The following PRDM10 variants were observed in gnomAD, a reference collection of about 807,000 sequenced individuals.
PRDM10 encodes PR/SET domain 10, also known as PR domain zinc finger protein 10.
PRDM10 carries 65 observed loss-of-function variants against 133.1 expected under a neutral mutation model. The ratio of observed to expected loss-of-function variants is 0.49; its 90% CI spans 0.40 to 0.60. The LOEUF (loss-of-function observed/expected upper bound fraction) is 0.60, where lower values mean the gene tolerates loss of function less well. Ranked by LOEUF, PRDM10 falls within the 20% of genes least tolerant of loss-of-function variation. The pLI is 0.00. For missense variants in PRDM10, 1,137 were observed against 1,507.1 expected, an observed-to-expected ratio of 0.75 and a Z score of 4.07; for synonymous variants, 582 against 580.4, an observed-to-expected ratio of 1.00 and a Z score of -0.04.
chr11:129,948,914 C>G (rs1951505384), intron 4 of PRDM10, among the ~76,000 whole-genome samples: 1 of 152,176 alleles, frequency 6.6e-6, no homozygotes, highest in African/African-American at 2.4e-5. Flanking sequence ...GTCCTCTTTT[C>G]CCCTCATAGA....
At chr11:129,988,203 TAGG>T (rs1363407618) in intron 1 of PRDM10, among the ~76,000 whole-genome samples, 3 of 152,048 alleles carry the variant, frequency 2.0e-5, no homozygotes, top group Non-Finnish European at 2.9e-5. Flanking sequence ...GCCTAGGGAT[TAGG>T]AGGAGATAGA....
Position 129,923,530 on chromosome 11 carries a change from T to C in PRDM10, c.1879-127A>G, listed in dbSNP as rs1356668041. On this transcript the variant is annotated intron_variant, in intron 12 of 20. Transcript: ENST00000360871. This position sits in a 1 kb window ranked among gnomAD's most constrained non-coding sequence, Gnocchi z 4.4. ...GGTTTTCATCAACCCCGCCGAGGAA[T>C]CCAATCAGATGTGATAATTGGCCTC... The C allele has an allele frequency of 3.0e-6, 3 of 994,942 alleles. No homozygotes were observed. The East Asian group carries it at 8.3e-5, about 27-fold the overall frequency. 61.6% of individuals were successfully genotyped at this position (994,942 alleles called of 1,614,324 possible).
Position 129,902,105 on chromosome 11 carries a change from C to G in PRDM10, c.*208G>C, listed in dbSNP as rs1365166986. 1.6e-6 allele frequency: 1 copy of G among 635,996 alleles called. No individual in the cohort carries two copies. The highest frequency in any genetic ancestry group is 3.0e-5 in the East Asian group (1 of 33,674). The allele number at this position is 635,996 out of a possible 1,614,324, so 39.4% of individuals were successfully genotyped here. Reference sequence around the variant, plus strand: ...TACTTTCCCCTGAAAGATCTCTGTTCTGTGGCAAAAACCGAGGGTTTGAAG... The same window carrying G: ...TACTTTCCCCTGAAAGATCTCTGTTGTGTGGCAAAAACCGAGGGTTTGAAG... On this transcript the variant is annotated 3_prime_UTR_variant, in exon 21 of 21. Coordinates refer to ENST00000360871, the MANE Select transcript of PRDM10 (RefSeq NM_199437.2).
At chr11:129,929,756 CAAAA>C (rs67664190) in intron 11 of PRDM10, among the ~76,000 whole-genome samples, 1 of 90,142 alleles carries the variant, frequency 1.1e-5, no homozygotes, top group African/African-American at 3.8e-5. Flanking sequence ...TTTTTCCTTC[CAAAA>C]AAAAAAAAAA....
chr11:129,997,329 A>G (rs1412575664), intron 1 of PRDM10, among the ~76,000 whole-genome samples: 1 of 152,022 alleles, frequency 6.6e-6, no homozygotes, highest in Non-Finnish European at 1.5e-5. Context: ...AAAATACAAA[A>G]ATTAGCCAGG....
rs1951353205 is a variant in PRDM10 at position 129,944,856 on chromosome 11, C to T, written c.677G>A (p.Arg226His). ...RFLGGVFSKR[R>H]IPKRTQFGPV... ...GCCAAACTGGGTGCGCTTGGGGATG[C>T]GCCGCTTGGAGAACACCCCGCCCAG... Residue 226 changes from arginine to histidine, a missense_variant, in exon 6 of 21, where the codon CGC (arginine) becomes CAC (histidine). This residue lies in a region of PRDM10 where 635 missense variants were observed against 835.2 expected (regional missense o/e 0.76). Coordinates refer to ENST00000360871, the MANE Select transcript of PRDM10 (RefSeq NM_199437.2). 7 of 1,614,136 alleles carry T rather than the reference C, an allele frequency of 4.3e-6. No individual in the cohort carries two copies. Among genetic ancestry groups the T allele is most frequent in the Non-Finnish European group, 5.9e-6 (7 of 1,180,010 alleles).
intron 1 of PRDM10, among the ~76,000 whole-genome samples, chr11:129,965,835 A>G (rs1217099384): frequency 1.3e-5 from 2 of 152,100 alleles, no homozygotes; most frequent in South Asian, 2.1e-4. Flanking sequence ...TACAGTATCT[A>G]AAGTGTGAAC....
intron 19 of PRDM10, among the ~76,000 whole-genome samples, chr11:129,908,345 A>C (rs181636128): frequency 5.8e-4 from 88 of 152,266 alleles, no homozygotes; most frequent in African/African-American, 2.1e-3. Flanking sequence ...GTGGTGGCTC[A>C]CATCTGTAAA....
chr11:129,999,961 A>AC (rs1939255118), intron 1 of PRDM10, among the ~76,000 whole-genome samples: 1 of 152,258 alleles, frequency 6.6e-6, no homozygotes, highest in Admixed American at 6.5e-5. Context: ...CACACACAAA[A>AC]CCAACTTGAA....
At chr11:129,931,539 T>TTTTA (rs968285575) in intron 10 of PRDM10, among the ~76,000 whole-genome samples, 4 of 151,590 alleles carry the variant, frequency 2.6e-5, no homozygotes, top group South Asian at 2.1e-4. Flanking sequence ...CTCTGGTCAA[T>TTTTA]TTTATTTATT....
intron 7 of PRDM10, 113 bp downstream of exon 7, chr11:129,942,312 AC>A (rs914777751): frequency 8.0e-6 from 8 of 999,154 alleles, no homozygotes; most frequent in East Asian, 5.0e-5. Flanking sequence ...CCAGAAAATG[AC>A]CCCCCTCCCC....
chr11:129,970,022 T>C (rs1951984722), intron 1 of PRDM10, among the ~76,000 whole-genome samples: 1 of 152,134 alleles, frequency 6.6e-6, no homozygotes, highest in African/African-American at 2.4e-5. Context: ...GAAATCAAAT[T>C]CTATGGCATA....
At chr11:129,938,719 A>G (rs553637572) in intron 7 of PRDM10, among the ~76,000 whole-genome samples, 1 of 152,340 alleles carries the variant, frequency 6.6e-6, no homozygotes, top group African/African-American at 2.4e-5. Context: ...TACAACTAAC[A>G]TGTATCAATA....
At chr11:129,992,532 G>GGTTTCCA (rs1410456840) in intron 1 of PRDM10, among the ~76,000 whole-genome samples, 1 of 152,222 alleles carries the variant, frequency 6.6e-6, no homozygotes, top group African/African-American at 2.4e-5. Context: ...ACCCGAGCAT[G>GGTTTCCA]GTTTCCACCT....
rs1414355277 is a variant in PRDM10 at position 129,923,411 on chromosome 11, T to G, written c.1879-8A>C. ...GCGCACGTGTTTTTTCACCTGGTGA[T>G]AAGAACCACAGGAAAATTCAGGGGA... On this transcript the variant is annotated splice_region_variant and splice_polypyrimidine_tract_variant and intron_variant, in intron 12 of 20. Transcript: ENST00000360871. The surrounding 1 kb of genome is among the most constrained non-coding windows in gnomAD (Gnocchi z 4.4). 2 of 1,601,644 alleles carry G rather than the reference T, an allele frequency of 1.2e-6. No homozygotes were observed. Among genetic ancestry groups the G allele is most frequent in the East Asian group, 4.5e-5 (2 of 44,236 alleles).
chr11:129,944,370 A>G lies in PRDM10; in HGVS notation c.762+401T>C, dbSNP rs374078209. Among the ~76,000 whole-genome samples the G allele has an allele frequency of 3.2e-3, 482 of 151,928 alleles. 2 individuals carry two copies. The highest frequency in any genetic ancestry group is 0.014 in the Middle Eastern group (4 of 292). On this transcript the variant is annotated intron_variant, in intron 6 of 20. Transcript: ENST00000360871. ...AGCACTTTGGGAGGCCAAGGCGGGC[A>G]GATCACGAGGTCAGGAGATCGAGAC...
intron 4 of PRDM10, among the ~76,000 whole-genome samples, chr11:129,953,271 C>A (rs1951624665): frequency 6.6e-6 from 1 of 151,900 alleles, no homozygotes; most frequent in South Asian, 2.1e-4. Flanking sequence ...ATCCACTGCA[C>A]CCAGCCGTCA....
chr11:129,914,503 CT>C, intron 17 of PRDM10, 200 bp downstream of exon 17: 1 of 748,902 alleles, frequency 1.3e-6, no homozygotes, highest in Non-Finnish European at 2.3e-6. Context: ...AATTTCCTGA[CT>C]ACTATAGACA....
Position 129,912,234 on chromosome 11 carries a change from A to G in PRDM10, c.2842-9T>C. 5.2e-6 allele frequency: 8 copies of G among 1,536,296 alleles called. No individual in the cohort carries two copies. The highest frequency in any genetic ancestry group is 7.1e-6 in the Non-Finnish European group (8 of 1,133,660). ...TGGTGAGGGGAAGTGGCCTGGAAGG[A>G]GAAAAAACAGGCCCAGAAACCAGAC... On this transcript the variant is annotated splice_polypyrimidine_tract_variant and intron_variant, in intron 17 of 20. Transcript: ENST00000360871.
Sources: allele counts gnomAD v4.1 joint callset (sites outside exome capture counted in the v4.1 genomes callset), GRCh38; gene constraint gnomAD v4.1.1; regional missense constraint gnomAD v4.1.1; non-coding constraint Gnocchi (gnomAD v3.1); transcripts MANE v1.5; gene names NCBI Gene and HGNC (gene_info 2026-07-23, HGNC 2026-07-21).